IL16: variants seen among roughly 807,000 people sequenced by gnomAD.
The protein encoded by IL16 is interleukin 16, also known as pro-interleukin-16.
In IL16, 67 loss-of-function variants were observed where a neutral mutation model predicts 110.1. The observed-to-expected ratio is 0.61, with a 90% confidence interval of 0.50 to 0.75. The LOEUF is 0.75. Ranked by LOEUF, IL16 falls within the 30% of genes least tolerant of loss-of-function variation. The pLI, the probability that IL16 is intolerant of heterozygous loss-of-function variation, is 0.00. For missense variants in IL16, 1,545 were observed against 1,655.0 expected, an observed-to-expected ratio of 0.93 and a Z score of 1.15; for synonymous variants, 689 against 662.9, an observed-to-expected ratio of 1.04 and a Z score of -0.61.
intron 1 of IL16, among the ~76,000 whole-genome samples, chr15:81,185,723 G>A (rs1372827978): frequency 2.0e-5 from 3 of 152,320 alleles, no homozygotes; most frequent in South Asian, 2.1e-4. Context: ...AGAGGGTTAA[G>A]TTCTATGGGA....
chr15:81,259,804 T>C lies in IL16; in HGVS notation c.345T>C (p.Pro115=), dbSNP rs766697557. The C allele has an allele frequency of 1.9e-6, 3 of 1,613,904 alleles. No homozygotes were observed. The East Asian group carries it at 6.7e-5, about 36-fold the overall frequency. ...CCACAGCTTCCTCTCGAGAAAAGCCTGGAAAACTAGAAGCACAAAGTAGTA... is the reference window on the plus strand; with the variant it reads ...CCACAGCTTCCTCTCGAGAAAAGCCCGGAAAACTAGAAGCACAAAGTAGTA... ...ESSTASSREK[P]GKLEAQSSNF... The change falls in exon 3 of 19, where the codon CCT becomes CCC. Residue 115 remains proline (P), a synonymous_variant. Transcript: ENST00000683961.
At chr15:81,292,463 A>C in intron 11 of IL16, 93 bp from the exon 12 acceptor site, 1 of 1,556,582 alleles carries the variant, frequency 6.4e-7, no homozygotes, top group Non-Finnish European at 8.8e-7. Context: ...GCCGATGTGC[A>C]GTGTGCTGCC....
chr15:81,281,307 C>G (rs891931988), intron 8 of IL16, among the ~76,000 whole-genome samples: 2 of 152,220 alleles, frequency 1.3e-5, no homozygotes, highest in Admixed American at 1.3e-4. Flanking sequence ...GGCCTTCCCC[C>G]ACACTGTGCT....
chr15:81,205,976 CTT>C (rs1896002333), intron 1 of IL16, among the ~76,000 whole-genome samples: 1 of 152,178 alleles, frequency 6.6e-6, no homozygotes, highest in Non-Finnish European at 1.5e-5. Context: ...AATCAGAAAA[CTT>C]TGGGTAAACA....
chr15:81,242,594 A>G (rs549064435), intron 2 of IL16, among the ~76,000 whole-genome samples: 27 of 152,210 alleles, frequency 1.8e-4, no homozygotes, highest in Non-Finnish European at 3.7e-4. Context: ...TATACCTATG[A>G]ATTACTGAAA....
intron 2 of IL16, among the ~76,000 whole-genome samples, chr15:81,238,016 G>A (rs963113109): frequency 6.6e-6 from 1 of 152,174 alleles, no homozygotes; most frequent in Non-Finnish European, 1.5e-5. Flanking sequence ...GCAATTCTCT[G>A]CCTCAGCCTT....
chr15:81,283,320 T>C (rs1425134599), intron 9 of IL16, among the ~76,000 whole-genome samples: 1 of 151,568 alleles, frequency 6.6e-6, no homozygotes, highest in Non-Finnish European at 1.5e-5. Flanking sequence ...TGGGGTCTGT[T>C]TATCTAATAA....
intron 1 of IL16, among the ~76,000 whole-genome samples, chr15:81,198,033 T>C (rs1372260532): frequency 5.9e-5 from 9 of 152,118 alleles, no homozygotes; most frequent in Non-Finnish European, 1.0e-4. Context: ...TCCTCCTCTG[T>C]TCTCCTTCTT....
rs144377893 is a variant in IL16 at position 81,264,346 on chromosome 15, C to T, written c.422-1313C>T. Among the ~76,000 whole-genome samples the T allele has an allele frequency of 2.6e-3, 395 of 152,270 alleles. 7 individuals are homozygous for T. Among genetic ancestry groups the T allele is most frequent in the Non-Finnish European group, 4.9e-4 (33 of 68,032 alleles). On this transcript the variant is annotated intron_variant, in intron 3 of 18. Transcript: ENST00000683961. ...CAGCCACTCTCTGGGCCCCGATGGACCAAAACCTCTCCCTTCTTCACCTTG... is the reference window on the plus strand; with the variant it reads ...CAGCCACTCTCTGGGCCCCGATGGATCAAAACCTCTCCCTTCTTCACCTTG...
At chr15:81,271,836 C>T (rs534769953) in intron 5 of IL16, among the ~76,000 whole-genome samples, 5 of 152,316 alleles carry the variant, frequency 3.3e-5, no homozygotes, top group East Asian at 1.9e-4. Flanking sequence ...CTCATCCCCA[C>T]GGCTCTCCCA....
chr15:81,240,718 T>C (rs144380883), intron 2 of IL16, among the ~76,000 whole-genome samples: 102 of 152,222 alleles, frequency 6.7e-4, no homozygotes, highest in African/African-American at 2.3e-3. Context: ...TCTTCCTTCT[T>C]TTCCCAGCTT....
intron 1 of IL16, among the ~76,000 whole-genome samples, chr15:81,204,245 A>G (rs1397248414): frequency 6.6e-6 from 1 of 152,022 alleles, no homozygotes; most frequent in Non-Finnish European, 1.5e-5. Flanking sequence ...GGTTTTCTAG[A>G]TATACAATCA....
chr15:81,226,324 A>G (rs1313785439), intron 2 of IL16, among the ~76,000 whole-genome samples: 3 of 152,214 alleles, frequency 2.0e-5, no homozygotes, highest in African/African-American at 7.2e-5. Flanking sequence ...GTTATATCAT[A>G]TTTCAATTTT....
intron 1 of IL16, among the ~76,000 whole-genome samples, chr15:81,191,854 C>T (rs189545694): frequency 3.2e-4 from 48 of 152,198 alleles, no homozygotes; most frequent in African/African-American, 9.4e-4. Flanking sequence ...TGGGATGCAG[C>T]GAGCAGGAGA....
chr15:81,266,273 C>T (rs188658215), intron 4 of IL16, among the ~76,000 whole-genome samples: 3 of 152,312 alleles, frequency 2.0e-5, no homozygotes, highest in Admixed American at 2.0e-4. Flanking sequence ...GCTTTTCACT[C>T]CTATAATCTA....
chr15:81,261,011 C>A (rs1898131149), intron 3 of IL16, among the ~76,000 whole-genome samples: 1 of 152,020 alleles, frequency 6.6e-6, no homozygotes, highest in African/African-American at 2.4e-5. Context: ...CCTATTTCTT[C>A]AATCATAGCT....
chr15:81,235,762 T>C (rs1308453381), intron 2 of IL16, among the ~76,000 whole-genome samples: 3 of 152,122 alleles, frequency 2.0e-5, no homozygotes. Flanking sequence ...TATAAATGTT[T>C]GTGAAAGGAG....
exon 1 of IL16, chr15:81,182,858 T>C: frequency 1.6e-6 from 2 of 1,289,132 alleles, no homozygotes; most frequent in Non-Finnish European, 2.0e-6. Context: ...CCCTGTGCAA[T>C]GAGTTTGCAG....
intron 2 of IL16, among the ~76,000 whole-genome samples, chr15:81,239,321 C>T (rs1897273308): frequency 6.6e-6 from 1 of 152,158 alleles, no homozygotes; most frequent in Non-Finnish European, 1.5e-5. Context: ...GTTACAATGG[C>T]ATTTCAGTGT....
Sources: gnomAD v4.1 joint callset for allele counts (sites outside exome capture counted in the v4.1 genomes callset) on GRCh38, gnomAD v4.1.1 for gene constraint, MANE v1.5 for transcripts, NCBI Gene and HGNC (gene_info 2026-07-23, HGNC 2026-07-21) for gene names.